CLYBL: variants seen among roughly 807,000 people sequenced by gnomAD.
The protein encoded by CLYBL is citramalyl-CoA lyase.
In CLYBL, 31 loss-of-function variants were observed where a neutral mutation model predicts 38.9. The observed-to-expected ratio is 0.80, with a 90% CI of 0.60 to 1.08. The LOEUF (loss-of-function observed/expected upper bound fraction) is 1.08. Ranked by LOEUF, CLYBL falls within the 50% of genes least tolerant of loss-of-function variation. The pLI, the probability that CLYBL is intolerant of heterozygous loss-of-function variation, is 0.00. For missense variants in CLYBL, 434 were observed against 411.6 expected, an observed-to-expected ratio of 1.05 and a Z score of -0.47; for synonymous variants, 171 against 158.6, an observed-to-expected ratio of 1.08 and a Z score of -0.59.
At chr13:99,885,179 C>T in intron 7 of CLYBL, 2 of 474,920 alleles carry the variant, frequency 4.2e-6, no homozygotes, top group East Asian at 6.2e-5. Context: ...CAAATACTCT[C>T]ACTAGATGGG....
At chr13:99,718,695 G>T (rs2048353121) in intron 1 of CLYBL, among the ~76,000 whole-genome samples, 1 of 152,072 alleles carries the variant, frequency 6.6e-6, no homozygotes, top group South Asian at 2.1e-4. Context: ...GTTTATTTCA[G>T]ATGTCTGCAA....
intron 1 of CLYBL, among the ~76,000 whole-genome samples, chr13:99,670,296 A>G (rs1363733018): frequency 1.3e-5 from 2 of 152,200 alleles, no homozygotes; most frequent in African/African-American, 2.4e-5. Flanking sequence ...GTTTGAGGCT[A>G]TAGTGAGCTA....
chr13:99,696,396 A>G (rs545386272), intron 1 of CLYBL, among the ~76,000 whole-genome samples: 1 of 151,970 alleles, frequency 6.6e-6, no homozygotes, highest in East Asian at 1.9e-4. Flanking sequence ...CACCCAGCTA[A>G]TTTTTAGTTT....
intron 9 of CLYBL, among the ~76,000 whole-genome samples, chr13:99,907,511 A>T (rs1303874107): frequency 6.6e-6 from 1 of 151,818 alleles, no homozygotes; most frequent in African/African-American, 2.4e-5. Context: ...GGTGATTTTT[A>T]TTTTTTCTTC....
At chr13:99,868,035 A>G (rs943891420) in intron 6 of CLYBL, among the ~76,000 whole-genome samples, 3 of 152,078 alleles carry the variant, frequency 2.0e-5, no homozygotes, top group Non-Finnish European at 4.4e-5. Flanking sequence ...TCAGCACGAG[A>G]AGCTTATGGA....
intron 2 of CLYBL, among the ~76,000 whole-genome samples, chr13:99,801,370 A>G (rs908033118): frequency 6.6e-6 from 1 of 152,248 alleles, no homozygotes; most frequent in Non-Finnish European, 1.5e-5. Context: ...ATGAAAAAAT[A>G]GGTGTCCTCA....
At chr13:99,685,940 C>T (rs1037769229) in intron 1 of CLYBL, among the ~76,000 whole-genome samples, 1 of 151,986 alleles carries the variant, frequency 6.6e-6, no homozygotes, top group African/African-American at 2.4e-5. Context: ...CCAGCCTGGG[C>T]GACAGAACAA....
chr13:99,657,974 C>G (rs1485302643), intron 1 of CLYBL, among the ~76,000 whole-genome samples: 1 of 152,234 alleles, frequency 6.6e-6, no homozygotes, highest in African/African-American at 2.4e-5. Flanking sequence ...AGAACCCAAG[C>G]CCGTGCCTTC....
At chr13:99,722,995 G>A (rs916381557) in intron 1 of CLYBL, among the ~76,000 whole-genome samples, 2 of 152,248 alleles carry the variant, frequency 1.3e-5, no homozygotes, top group Non-Finnish European at 2.9e-5. Flanking sequence ...GCTGTTGTCA[G>A]AGGCTGGTTA....
At chr13:99,643,946 A>C (rs576560276) in intron 1 of CLYBL, among the ~76,000 whole-genome samples, 2 of 148,272 alleles carry the variant, frequency 1.3e-5, no homozygotes, top group South Asian at 4.4e-4. Flanking sequence ...CGGAGGTTGC[A>C]GTGAATCCAG....
chr13:99,761,120 G>A (rs1018685647), intron 1 of CLYBL, among the ~76,000 whole-genome samples: 2 of 152,172 alleles, frequency 1.3e-5, no homozygotes, highest in African/African-American at 4.8e-5. Flanking sequence ...TTGGGAGGCC[G>A]AGGCAGGCAG....
intron 1 of CLYBL, among the ~76,000 whole-genome samples, chr13:99,689,543 G>A (rs1018974060): frequency 6.6e-6 from 1 of 152,228 alleles, no homozygotes; most frequent in African/African-American, 2.4e-5. Flanking sequence ...GAAGGAGCAT[G>A]ATTGAAATCC....
chr13:99,733,351 G>A (rs937060205), intron 1 of CLYBL, among the ~76,000 whole-genome samples: 13 of 151,928 alleles, frequency 8.6e-5, no homozygotes, highest in African/African-American at 3.1e-4. Context: ...AATTGTCCCT[G>A]TAGACAGAGA....
chr13:99,858,840 A>G (rs753880687), intron 2 of CLYBL, 21 bp from the exon 3 acceptor site: 1 of 1,561,286 alleles, frequency 6.4e-7, no homozygotes, highest in Non-Finnish European at 8.7e-7. Flanking sequence ...TAAACAATAA[A>G]CTTTTTATTG....
chr13:99,851,272 C>T (rs2051322655), intron 2 of CLYBL, among the ~76,000 whole-genome samples: 1 of 145,574 alleles, frequency 6.9e-6, no homozygotes, highest in Non-Finnish European at 1.5e-5. Context: ...GAGGCTGAGG[C>T]AGGAGAATCA....
intron 1 of CLYBL, among the ~76,000 whole-genome samples, chr13:99,754,555 C>G (rs1383816058): frequency 6.6e-6 from 1 of 151,760 alleles, no homozygotes; most frequent in South Asian, 2.1e-4. Context: ...ACCACTATGC[C>G]CAGCTCTTCT....
At chr13:99,754,388 G>T (rs2049014600) in intron 1 of CLYBL, among the ~76,000 whole-genome samples, 1 of 130,890 alleles carries the variant, frequency 7.6e-6, no homozygotes, top group Non-Finnish European at 1.5e-5. Context: ...CTGCACTCTA[G>T]CCTGGGCAAC....
intron 1 of CLYBL, among the ~76,000 whole-genome samples, chr13:99,658,228 T>C (rs1220836454): frequency 6.6e-6 from 1 of 152,216 alleles, no homozygotes; most frequent in Non-Finnish European, 1.5e-5. Context: ...CCTACCCTTT[T>C]TGGCACCAGC....
chr13:99,868,121 A>G (rs561205041), intron 6 of CLYBL, among the ~76,000 whole-genome samples: 3 of 152,144 alleles, frequency 2.0e-5, no homozygotes, highest in Non-Finnish European at 4.4e-5. Flanking sequence ...GATAATGGGA[A>G]GGCACAGAGG....
Sources: gnomAD v4.1 joint callset for allele counts (sites outside exome capture counted in the v4.1 genomes callset) on GRCh38, gnomAD v4.1.1 for gene constraint, MANE v1.5 for transcripts, NCBI Gene and HGNC (gene_info 2026-07-23, HGNC 2026-07-21) for gene names.